Variants in CPPED1 observed in about 807,000 individuals in gnomAD.
CPPED1 encodes the protein calcineurin like phosphoesterase domain containing 1, also known as serine/threonine-protein phosphatase CPPED1.
CPPED1 carries 28 observed loss-of-function variants against 28.0 expected under a neutral mutation model. That is an observed-to-expected ratio of 1.00 (90% CI 0.74 to 1.37). The LOEUF is 1.37. Among genes scored for constraint, CPPED1 ranks in the 40% most tolerant of loss-of-function variants. CPPED1 has a pLI of 0.00. For missense variants in CPPED1, 504 were observed against 416.5 expected (o/e 1.21, Z -1.83); for synonymous variants, 198 against 180.2 (o/e 1.10, Z -0.79).
At chr16:12,764,355 C>T (rs1378491639) in intron 2 of CPPED1, among the ~76,000 whole-genome samples, 1 of 152,146 alleles carries the variant, frequency 6.6e-6, no homozygotes, top group East Asian at 1.9e-4. Context: ...ATGCACATGC[C>T]ACCACACCCA....
chr16:12,701,427 G>A (rs749243574), intron 3 of CPPED1, among the ~76,000 whole-genome samples: 8 of 152,056 alleles, frequency 5.3e-5, no homozygotes, highest in Non-Finnish European at 1.0e-4. Context: ...CCAGTTACTC[G>A]GGAGGCTGAG....
At position 12,661,492 on chromosome 16, in the gene CPPED1, C is replaced by T. The variant is rs1305650698; in HGVS notation, c.*3394G>A. ...AAAAGTAAATGATCATCTCCCCAGC[C>T]CCATTCCCAAAGTCACTTGAGCCTT... On this transcript the variant is annotated 3_prime_UTR_variant, in exon 4 of 4. Transcript: ENST00000381774. 6.6e-6 allele frequency: 1 copy of T among 152,186 alleles called. No individual in the cohort carries two copies. The highest frequency in any genetic ancestry group is 1.9e-4 in the East Asian group (1 of 5,206). 9.4% of individuals were successfully genotyped at this position (152,186 alleles called of 1,614,324 possible).
intron 3 of CPPED1, among the ~76,000 whole-genome samples, chr16:12,696,974 G>A (rs866178778): frequency 1.3e-5 from 2 of 152,090 alleles, no homozygotes; most frequent in Admixed American, 6.6e-5. Context: ...TCCAAGTTTT[G>A]CCTTATCTGC....
intron 3 of CPPED1, among the ~76,000 whole-genome samples, chr16:12,694,570 T>C (rs1227520276): frequency 6.6e-6 from 1 of 151,970 alleles, no homozygotes; most frequent in African/African-American, 2.4e-5. Flanking sequence ...AAATGACTAG[T>C]GTGTGATGTT....
chr16:12,705,175 T>C (rs1266987802), intron 2 of CPPED1, 126 bp from the exon 3 acceptor site: 2 of 1,032,148 alleles, frequency 1.9e-6, no homozygotes, highest in African/African-American at 1.6e-5. Context: ...ACCTAGCACA[T>C]GGAAACTGCA....
At chr16:12,725,792 G>C (rs2080166992) in intron 2 of CPPED1, among the ~76,000 whole-genome samples, 1 of 152,188 alleles carries the variant, frequency 6.6e-6, no homozygotes, top group Non-Finnish European at 1.5e-5. Flanking sequence ...CCATCTGCCA[G>C]GGCACCAAGG....
intron 2 of CPPED1, among the ~76,000 whole-genome samples, chr16:12,766,810 C>T (rs1335478507): frequency 6.6e-6 from 1 of 152,158 alleles, no homozygotes; most frequent in African/African-American, 2.4e-5. Context: ...CAAGGAAGCA[C>T]AGGAGGTAGG....
chr16:12,685,258 T>G (rs940552171), intron 3 of CPPED1, among the ~76,000 whole-genome samples: 8 of 152,198 alleles, frequency 5.3e-5, no homozygotes, highest in Admixed American at 2.0e-4. Flanking sequence ...GAGACCAGCC[T>G]GGCCAACATG....
At chr16:12,674,505 T>C (rs1310046873) in intron 3 of CPPED1, among the ~76,000 whole-genome samples, 1 of 152,104 alleles carries the variant, frequency 6.6e-6, no homozygotes, top group East Asian at 1.9e-4. Context: ...GAAATATTTC[T>C]CCTAGTTCCA....
chr16:12,681,950 C>A (rs763581642), intron 3 of CPPED1, among the ~76,000 whole-genome samples: 1 of 152,122 alleles, frequency 6.6e-6, no homozygotes, highest in Non-Finnish European at 1.5e-5. Context: ...AGTCCACAGC[C>A]TTGAGAGTGT....
At chr16:12,690,639 A>T (rs911882039) in intron 3 of CPPED1, among the ~76,000 whole-genome samples, 16 of 150,096 alleles carry the variant, frequency 1.1e-4, no homozygotes, top group African/African-American at 3.5e-4. Context: ...CAAAATAGTG[A>T]AACAGTGAGA....
chr16:12,714,000 C>T (rs7200436), intron 2 of CPPED1, among the ~76,000 whole-genome samples: 7,169 of 152,184 alleles, frequency 0.047, 581 homozygotes, highest in African/African-American at 0.16. Context: ...GATTTCTCCA[C>T]TCCAGGCATT....
chr16:12,692,441 T>C (rs1165578847), intron 3 of CPPED1, among the ~76,000 whole-genome samples: 1 of 152,156 alleles, frequency 6.6e-6, no homozygotes, highest in African/African-American at 2.4e-5. Flanking sequence ...ACCATGATGA[T>C]AAGAATAGAG....
intron 2 of CPPED1, among the ~76,000 whole-genome samples, chr16:12,770,228 G>A (rs2080462140): frequency 6.6e-6 from 1 of 152,166 alleles, no homozygotes; most frequent in Non-Finnish European, 1.5e-5. Context: ...TGTGCTCTCA[G>A]TGCAAATGGC....
At chr16:12,735,549 C>T (rs2080222354) in intron 2 of CPPED1, among the ~76,000 whole-genome samples, 1 of 152,254 alleles carries the variant, frequency 6.6e-6, no homozygotes, top group Non-Finnish European at 1.5e-5. Context: ...AAGTGATCAG[C>T]CCACCTTGCA....
chr16:12,676,387 C>G (rs1426832124), intron 3 of CPPED1, among the ~76,000 whole-genome samples: 1 of 152,172 alleles, frequency 6.6e-6, no homozygotes, highest in Non-Finnish European at 1.5e-5. Context: ...ATCGACATCA[C>G]TCAGCAGCGT....
chr16:12,797,275 G>A (rs1259612993), intron 1 of CPPED1, among the ~76,000 whole-genome samples: 1 of 152,176 alleles, frequency 6.6e-6, no homozygotes, highest in Non-Finnish European at 1.5e-5. Flanking sequence ...TTTAGGCCAG[G>A]TGCGGTGGCT....
At chr16:12,695,167 AT>A (rs1430272607) in intron 3 of CPPED1, among the ~76,000 whole-genome samples, 3 of 152,218 alleles carry the variant, frequency 2.0e-5, no homozygotes, top group African/African-American at 4.8e-5. Flanking sequence ...AAATCTGACT[AT>A]GAAATTATAC....
At chr16:12,706,542 G>T (rs1596454045) in intron 2 of CPPED1, among the ~76,000 whole-genome samples, 19 of 109,762 alleles carry the variant, frequency 1.7e-4, no homozygotes, top group Admixed American at 4.3e-4. Flanking sequence ...CCAAGCTTAT[G>T]TATAATTTTC....
Sources: allele counts gnomAD v4.1 joint callset (sites outside exome capture counted in the v4.1 genomes callset), GRCh38; gene constraint gnomAD v4.1.1; transcripts MANE v1.5; gene names NCBI Gene and HGNC (gene_info 2026-07-23, HGNC 2026-07-21).